PRKN: variants seen among roughly 807,000 people sequenced by gnomAD.
The protein encoded by PRKN is parkin RBR E3 ubiquitin protein ligase.
PRKN carries 56 observed loss-of-function variants against 59.5 expected under a neutral mutation model. The ratio of observed to expected loss-of-function variants is 0.94; its 90% CI spans 0.76 to 1.18. PRKN has a LOEUF of 1.18. PRKN is among the 50% of genes most tolerant of loss of function. The pLI is 0.00. For missense variants in PRKN, 657 were observed against 596.4 expected, an observed-to-expected ratio of 1.10 and a Z score of -1.06; for synonymous variants, 250 against 222.1, an observed-to-expected ratio of 1.13 and a Z score of -1.12.
chr6:161,963,303 G>A (rs1780456266), intron 6 of PRKN, among the ~76,000 whole-genome samples: 1 of 152,226 alleles, frequency 6.6e-6, no homozygotes, highest in Admixed American at 6.5e-5. Context: ...CCCAGCGGGG[G>A]TTGCTGCGCA....
intron 6 of PRKN, among the ~76,000 whole-genome samples, chr6:161,936,240 C>T (rs190132066): frequency 7.7e-4 from 114 of 148,374 alleles, no homozygotes; most frequent in African/African-American, 2.5e-3. Context: ...GACAGAGTCT[C>T]GCTCTGTCAC....
At chr6:162,188,951 A>G (rs879784223) in intron 4 of PRKN, among the ~76,000 whole-genome samples, 1 of 152,124 alleles carries the variant, frequency 6.6e-6, no homozygotes, top group African/African-American at 2.4e-5. Context: ...AGCATGTAAG[A>G]GTAATTATCT....
chr6:162,510,837 C>A (rs1777574483), intron 1 of PRKN, among the ~76,000 whole-genome samples: 1 of 152,012 alleles, frequency 6.6e-6, no homozygotes, highest in South Asian at 2.1e-4. Context: ...GCAGGAGAAT[C>A]GCTTGATCCC....
intron 7 of PRKN, among the ~76,000 whole-genome samples, chr6:161,744,958 T>G (rs191118885): frequency 2.6e-5 from 4 of 152,188 alleles, no homozygotes; most frequent in Non-Finnish European, 5.9e-5. Flanking sequence ...AGGTCAATAT[T>G]AGCGTTATGT....
intron 3 of PRKN, among the ~76,000 whole-genome samples, chr6:162,213,889 T>C (rs1261349157): frequency 6.7e-6 from 1 of 150,234 alleles, no homozygotes; most frequent in African/African-American, 2.5e-5. Flanking sequence ...TAGAGTCTTA[T>C]ATTGAAAGTT....
intron 9 of PRKN, among the ~76,000 whole-genome samples, chr6:161,452,555 A>T (rs1789783734): frequency 6.6e-6 from 1 of 152,150 alleles, no homozygotes; most frequent in Non-Finnish European, 1.5e-5. Flanking sequence ...TGTGTTTTTT[A>T]ATTCTTTAAA....
At chr6:161,706,238 C>T (rs555370190) in intron 7 of PRKN, among the ~76,000 whole-genome samples, 1 of 152,334 alleles carries the variant, frequency 6.6e-6, no homozygotes, top group African/African-American at 2.4e-5. Context: ...AGAAGCCCCA[C>T]AGACCAATTC....
At chr6:162,241,109 A>G (rs898603336) in intron 3 of PRKN, among the ~76,000 whole-genome samples, 6 of 152,308 alleles carry the variant, frequency 3.9e-5, no homozygotes, top group Middle Eastern at 3.4e-3. Flanking sequence ...AGTTATTCTG[A>G]CCCATTTTCC....
Position 161,801,677 on chromosome 6 carries a change from G to A in PRKN, c.735-15769C>T, listed in dbSNP as rs149354176. Among the ~76,000 whole-genome samples the A allele has an allele frequency of 3.1e-3, 476 of 152,174 alleles. 3 individuals are homozygous for A. Among genetic ancestry groups the A allele is most frequent in the Non-Finnish European group, 4.9e-3 (331 of 68,012 alleles). ...TAATCGAACGGGCCTTAGATCAGCCGGTTTTAACCTTCCATCTCACACCTC... is the reference window on the plus strand; with the variant it reads ...TAATCGAACGGGCCTTAGATCAGCCAGTTTTAACCTTCCATCTCACACCTC... On this transcript the variant is annotated intron_variant, in intron 6 of 11. Coordinates refer to ENST00000366898, the MANE Select transcript of PRKN (RefSeq NM_004562.3).
intron 4 of PRKN, among the ~76,000 whole-genome samples, chr6:162,100,282 A>G (rs1779913212): frequency 6.6e-6 from 1 of 152,026 alleles, no homozygotes; most frequent in Non-Finnish European, 1.5e-5. Context: ...TTTCCTTTGG[A>G]TACGTACCCA....
At chr6:161,975,914 CT>C (rs528942137) in intron 5 of PRKN, among the ~76,000 whole-genome samples, 9 of 151,282 alleles carry the variant, frequency 5.9e-5, no homozygotes, top group South Asian at 2.1e-4. Flanking sequence ...TGCCATTTTA[CT>C]TTTTTTTTGA....
At chr6:161,665,156 A>C (rs1784682170) in intron 7 of PRKN, among the ~76,000 whole-genome samples, 1 of 151,994 alleles carries the variant, frequency 6.6e-6, no homozygotes, top group Non-Finnish European at 1.5e-5. Context: ...GAACATTCTT[A>C]TTTATCTTCT....
At chr6:162,212,586 T>C (rs4546464) in intron 3 of PRKN, among the ~76,000 whole-genome samples, 60,922 of 152,092 alleles carry the variant, frequency 0.4, 14,225 homozygotes, top group Non-Finnish European at 0.51. Context: ...GCATGTATTC[T>C]TCATTGCCTC....
intron 4 of PRKN, among the ~76,000 whole-genome samples, chr6:162,146,039 A>G (rs1317231076): frequency 6.6e-6 from 1 of 152,126 alleles, no homozygotes; most frequent in Non-Finnish European, 1.5e-5. Context: ...GGAGTAGCCT[A>G]TGGTCCTTTT....
chr6:161,957,616 G>A (rs969936561), intron 6 of PRKN, among the ~76,000 whole-genome samples: 2 of 152,072 alleles, frequency 1.3e-5, no homozygotes, highest in Non-Finnish European at 2.9e-5. Context: ...GTAGAGACGA[G>A]GTTTCACCAT....
At chr6:162,300,380 C>G (rs547598877) in intron 2 of PRKN, among the ~76,000 whole-genome samples, 1 of 152,210 alleles carries the variant, frequency 6.6e-6, no homozygotes, top group African/African-American at 2.4e-5. Context: ...CATTCCACCT[C>G]TTGATGCCAG....
Position 162,587,461 on chromosome 6 carries a change from G to C in PRKN, c.7+140201C>G, listed in dbSNP as rs35395472. Among the ~76,000 whole-genome samples the C allele has an allele frequency of 6.6e-5, 10 of 152,120 alleles. No individual in the cohort carries two copies. In the East Asian group the frequency reaches 9.7e-4, roughly 15 times the overall value. On this transcript the variant is annotated intron_variant, in intron 1 of 11. Coordinates refer to ENST00000366898, the MANE Select transcript of PRKN (RefSeq NM_004562.3). ...CACAGTAGCATTTATTAAAACCTGG[G>C]GTTACAGTTGTCACTGACATAAAGA...
rs1218017781 is a variant in PRKN at position 161,377,576 on chromosome 6, T to C, written c.1167+9218A>G. Among the ~76,000 whole-genome samples, 1 of 152,214 alleles carries C rather than the reference T, an allele frequency of 6.6e-6. No individual in the cohort carries two copies. The highest frequency in any genetic ancestry group is 2.4e-5 in the African/African-American group (1 of 41,454). ...GAGACCCTGTCAATAAGCAGAGCCT[T>C]GGGCAACGCAACTGCTATGGTCCGA... is the stretch of plus-strand genomic sequence containing the variant. On this transcript the variant is annotated intron_variant, in intron 10 of 11. Transcript: ENST00000366898. This position sits in a 1 kb window ranked among gnomAD's most constrained non-coding sequence, Gnocchi z 4.2.
intron 2 of PRKN, among the ~76,000 whole-genome samples, chr6:162,389,323 G>A (rs1391206558): frequency 2.0e-5 from 3 of 151,948 alleles, no homozygotes; most frequent in African/African-American, 7.3e-5. Context: ...GATGAGCAAA[G>A]CTACCTTCTT....
Sources: gnomAD v4.1 joint callset for allele counts (sites outside exome capture counted in the v4.1 genomes callset) on GRCh38, gnomAD v4.1.1 for gene constraint, Gnocchi (gnomAD v3.1) non-coding constraint, MANE v1.5 for transcripts, NCBI Gene and HGNC (gene_info 2026-07-23, HGNC 2026-07-21) for gene names.